The following ATXN10 variants were observed in gnomAD, a reference collection of about 807,000 sequenced individuals.
ATXN10 encodes ataxin-10.
Under a neutral mutation model 52.9 loss-of-function variants are expected in ATXN10, and 28 were observed. The observed-to-expected ratio is 0.53, with a 90% confidence interval of 0.39 to 0.73. The LOEUF (loss-of-function observed/expected upper bound fraction) is 0.73, where lower values mean the gene tolerates loss of function less well. ATXN10 is among the 30% of genes least tolerant of loss of function. The probability of loss-of-function intolerance (pLI) is 0.00; values close to 1 mark genes in which losing one functional copy is unlikely to be tolerated. For missense variants in ATXN10, 565 were observed against 577.0 expected, an observed-to-expected ratio of 0.98 and a Z score of 0.21; for synonymous variants, 226 against 221.5, an observed-to-expected ratio of 1.02 and a Z score of -0.18.
intron 9 of ATXN10, among the ~76,000 whole-genome samples, chr22:45,806,101 G>T (rs752126095): frequency 3.3e-5 from 5 of 152,138 alleles, no homozygotes; most frequent in Non-Finnish European, 7.4e-5. Flanking sequence ...TTTAGAAATG[G>T]GGTTACTGGG....
Position 45,842,933 on chromosome 22 carries a change from T to C in ATXN10, c.1238-58T>C, listed in dbSNP as rs1021901144. The C allele has an allele frequency of 2.3e-5, 35 of 1,545,786 alleles. No individual in the cohort carries two copies. Among genetic ancestry groups the C allele is most frequent in the Non-Finnish European group, 6.3e-6 (7 of 1,118,358 alleles). On this transcript the variant is annotated intron_variant, in intron 10 of 11. Transcript: ENST00000252934. The surrounding 1 kb of genome is among the most constrained non-coding windows in gnomAD (Gnocchi z 4.8). ...TCCTCTACTCCTTTTCTGATAATTC[T>C]TATGTGAAGTTATCAAACAGGAAAG...
chr22:45,832,917 C>T (rs1322230027), intron 10 of ATXN10, among the ~76,000 whole-genome samples: 2 of 152,180 alleles, frequency 1.3e-5, no homozygotes, highest in Non-Finnish European at 2.9e-5. Flanking sequence ...CCAGCATGAC[C>T]ACTTGGCTTT....
At chr22:45,755,959 C>G (rs1382461304) in intron 9 of ATXN10, among the ~76,000 whole-genome samples, 1 of 152,180 alleles carries the variant, frequency 6.6e-6, no homozygotes, top group Non-Finnish European at 1.5e-5. Context: ...ACCCAGGTGG[C>G]CTGGCCCCAG....
chr22:45,716,967 C>T (rs1924472051), intron 5 of ATXN10, among the ~76,000 whole-genome samples: 1 of 152,158 alleles, frequency 6.6e-6, no homozygotes, highest in African/African-American at 2.4e-5. Context: ...TCTGAAGACC[C>T]ACGCTTTTGG....
At chr22:45,813,378 A>T (rs1601662541) in intron 10 of ATXN10, among the ~76,000 whole-genome samples, 1 of 126,212 alleles carries the variant, frequency 7.9e-6, no homozygotes. Flanking sequence ...GGGTGTGGGG[A>T]CAGGGATAGA....
Position 45,690,366 on chromosome 22 carries a change from C to T in ATXN10, c.308+463C>T, listed in dbSNP as rs1331985764. 6.6e-6 allele frequency among the ~76,000 whole-genome samples: 1 copy of T among 152,050 alleles called. No homozygotes were observed. The highest frequency in any genetic ancestry group is 2.4e-5 in the African/African-American group (1 of 41,392). ...CCCTTTACATCTGCTGGGAGAGGCCCTCTACAGGCCTTGCCATTGGAGTCT... is the reference window on the plus strand; with the variant it reads ...CCCTTTACATCTGCTGGGAGAGGCCTTCTACAGGCCTTGCCATTGGAGTCT... On this transcript the variant is annotated intron_variant, in intron 2 of 11. Transcript: ENST00000252934. The surrounding 1 kb of genome is among the most constrained non-coding windows in gnomAD (Gnocchi z 4.5).
At chr22:45,714,920 G>A (rs1423877217) in intron 5 of ATXN10, among the ~76,000 whole-genome samples, 1 of 152,112 alleles carries the variant, frequency 6.6e-6, no homozygotes, top group Non-Finnish European at 1.5e-5. Context: ...TGATGCTGGT[G>A]GTCCCGGCAA....
At chr22:45,793,566 A>C (rs1187773540) in intron 9 of ATXN10, 1 of 1,286,662 alleles carries the variant, frequency 7.8e-7, no homozygotes, top group East Asian at 2.9e-5. Flanking sequence ...TTCTGTGACA[A>C]ATGACTAGAA....
In ATXN10 at chr22:45,738,769, C is replaced by T. The variant is rs370625820; in HGVS notation, c.933C>T (p.Cys311=). The part of the protein sequence containing the change: ...LATIRLLDVL[C]EMTVNTELLG... ...CAATTAGGCTTCTCGACGTCCTGTGCGAAATGACTGTGAATACTGAGCTGC... is the reference window on the plus strand; with the variant it reads ...CAATTAGGCTTCTCGACGTCCTGTGTGAAATGACTGTGAATACTGAGCTGC... The change falls in exon 8 of 12, where the codon TGC becomes TGT. Residue 311 remains cysteine (C), a synonymous_variant. Coordinates refer to ENST00000252934, the MANE Select transcript of ATXN10 (RefSeq NM_013236.4). 72 of 1,613,930 alleles carry T rather than the reference C, an allele frequency of 4.5e-5. No homozygotes were observed. The highest frequency in any genetic ancestry group is 7.7e-5 in the South Asian group (7 of 91,082).
chr22:45,843,880 G>A lies in ATXN10; in HGVS notation c.*209G>A. ...TTCTTTGCATTAATGTAACTGTGTGGTTTGCCTTTGTCCCCCTGGATAGAA... is the reference window on the plus strand; with the variant it reads ...TTCTTTGCATTAATGTAACTGTGTGATTTGCCTTTGTCCCCCTGGATAGAA... On this transcript the variant is annotated 3_prime_UTR_variant, in exon 12 of 12. Coordinates refer to ENST00000252934, the MANE Select transcript of ATXN10 (RefSeq NM_013236.4). The surrounding 1 kb of genome is among the most constrained non-coding windows in gnomAD (Gnocchi z 4.5). The A allele has an allele frequency of 1.6e-6, 1 of 607,374 alleles. No individual in the cohort carries two copies. The highest frequency in any genetic ancestry group is 2.9e-6 in the Non-Finnish European group (1 of 343,548). The allele number at this position is 607,374 out of a possible 1,614,324, so 37.6% of individuals were successfully genotyped here. A position where few individuals can be genotyped will look rare whatever the true frequency, so the allele number is the denominator to read the frequency against.
At chr22:45,813,318 C>G (rs1368904445) in intron 10 of ATXN10, among the ~76,000 whole-genome samples, 3 of 146,078 alleles carry the variant, frequency 2.1e-5, no homozygotes, top group African/African-American at 7.6e-5. Context: ...GATCGGTTGT[C>G]CTTGATGTGG....
intron 1 of ATXN10, 55 bp from the exon 2 acceptor site, chr22:45,689,657 A>G (rs1923292258): frequency 2.6e-6 from 4 of 1,545,936 alleles, no homozygotes; most frequent in East Asian, 2.2e-5. Flanking sequence ...TGAATAGGAC[A>G]TTTGGAAATC....
At chr22:45,694,721 G>T (rs1233881332) in intron 3 of ATXN10, among the ~76,000 whole-genome samples, 1 of 151,950 alleles carries the variant, frequency 6.6e-6, no homozygotes, top group Non-Finnish European at 1.5e-5. Flanking sequence ...GATGGAGGTT[G>T]TAGTGAGCCG....
intron 9 of ATXN10, among the ~76,000 whole-genome samples, chr22:45,791,554 A>T (rs1927511842): frequency 6.6e-6 from 1 of 152,214 alleles, no homozygotes; most frequent in African/African-American, 2.4e-5. Flanking sequence ...TGATATTATT[A>T]TGAGTACATT....
At chr22:45,807,049 A>C in intron 10 of ATXN10, 27 bp downstream of exon 10, 3 of 1,599,642 alleles carry the variant, frequency 1.9e-6, no homozygotes, top group Non-Finnish European at 2.6e-6. Context: ...ATTACCATGC[A>C]CAAGTTTACA....
At chr22:45,725,882 T>C (rs2146784479) in intron 6 of ATXN10, among the ~76,000 whole-genome samples, 1 of 152,300 alleles carries the variant, frequency 6.6e-6, no homozygotes, top group South Asian at 2.1e-4. Flanking sequence ...CTGGATTTTG[T>C]TGAACGTTTT....
chr22:45,834,935 GT>G (rs1369851969), intron 10 of ATXN10, among the ~76,000 whole-genome samples: 1 of 152,208 alleles, frequency 6.6e-6, no homozygotes, highest in Non-Finnish European at 1.5e-5. Flanking sequence ...CTTTCGTGTG[GT>G]TTAAGTTAGA....
Position 45,740,739 on chromosome 22 carries a change from C to CACGT in ATXN10, c.1173+201_1173+202insACGT, listed in dbSNP as rs1555891827. The stretch of plus-strand genomic sequence containing the variant: ...ACACACATATATATACACACACACA[C>CACGT]GTGTGTGTGTGTGTGTATATATATA... On this transcript the variant is annotated intron_variant, in intron 9 of 11. Coordinates refer to ENST00000252934, the MANE Select transcript of ATXN10 (RefSeq NM_013236.4). 6.9e-4 allele frequency: 229 copies of CACGT among 330,816 alleles called. 1 individual carries two copies. Among genetic ancestry groups the CACGT allele is most frequent in the African/African-American group, 4.8e-3 (202 of 41,886 alleles). The allele number at this position is 330,816 out of a possible 1,614,324, so 20.5% of individuals were successfully genotyped here. A position where few individuals can be genotyped will look rare whatever the true frequency, so the allele number is the denominator to read the frequency against.
chr22:45,805,899 A>G lies in ATXN10; in HGVS notation c.1174-1060A>G, dbSNP rs530453366. ...TGAACTGGGCCAGGCACAGTCACTC[A>G]TGCCGATAATCCCAGTGCTTTGGGA... is the stretch of plus-strand genomic sequence containing the variant. On this transcript the variant is annotated intron_variant, in intron 9 of 11. Coordinates refer to ENST00000252934, the MANE Select transcript of ATXN10 (RefSeq NM_013236.4). This position sits in a 1 kb window ranked among gnomAD's most constrained non-coding sequence, Gnocchi z 4.4. Among the ~76,000 whole-genome samples, 221 of 152,350 alleles carry G rather than the reference A, an allele frequency of 1.5e-3. No homozygotes were observed. Among genetic ancestry groups the G allele is most frequent in the African/African-American group, 5.1e-3 (212 of 41,594 alleles).
Sources: allele counts gnomAD v4.1 joint callset (sites outside exome capture counted in the v4.1 genomes callset), GRCh38; gene constraint gnomAD v4.1.1; non-coding constraint Gnocchi (gnomAD v3.1); transcripts MANE v1.5; gene names NCBI Gene and HGNC (gene_info 2026-07-23, HGNC 2026-07-21).